Variants in MTMR3 observed in about 807,000 individuals in gnomAD.
MTMR3 encodes phosphatidylinositol-3,5-bisphosphate 3-phosphatase MTMR3.
In MTMR3, 32 loss-of-function variants were observed where a neutral mutation model predicts 132.4. The observed-to-expected ratio is 0.24, with a 90% confidence interval of 0.18 to 0.32. The LOEUF (loss-of-function observed/expected upper bound fraction) is 0.32. Among genes scored for constraint, MTMR3 ranks in the 10% least tolerant of loss-of-function variants. The pLI, the probability that MTMR3 is intolerant of heterozygous loss-of-function variation, is 1.00. For missense variants in MTMR3, 1,216 were observed against 1,489.6 expected (o/e 0.82, Z 3.02); for synonymous variants, 556 against 550.3 (o/e 1.01, Z -0.14).
rs1569054419 is a variant in MTMR3 at position 30,020,121 on chromosome 22, G to A, written c.2462G>A (p.Gly821Asp). 6.2e-7 allele frequency: 1 copy of A among 1,614,214 alleles called. No individual in the cohort carries two copies. The highest frequency in any genetic ancestry group is 8.5e-7 in the Non-Finnish European group (1 of 1,180,048). Reference protein sequence around the residue: ...PIPVDAKVGYGTSQSCSLLPS... With the variant: ...PIPVDAKVGYDTSQSCSLLPS... Reference sequence around the variant, plus strand: ...CCAGTAGATGCAAAAGTTGGCTATGGTACCTCACAGTCATGTTCTCTGCTA... The same window carrying A: ...CCAGTAGATGCAAAAGTTGGCTATGATACCTCACAGTCATGTTCTCTGCTA... Residue 821 changes from glycine (G) to aspartate (D), a missense_variant, in exon 17 of 20, where the codon GGT (glycine) becomes GAT (aspartate). Gly to Asp is a moderately conservative substitution (Grantham distance 94). Around this residue, in one of 7 missense-constraint regions of MTMR3, gnomAD observed 852 missense variants for 852.0 expected, o/e 1.00. Transcript: ENST00000401950.
rs1403890599 is a variant in MTMR3 at position 30,027,762 on chromosome 22, C to T, written c.*1961C>T. ...TCTCCTAAAGAGGAGTCAGTCAGTG[C>T]TCCTATATTTTTCATTTTTTGTCAA... is the stretch of plus-strand genomic sequence containing the variant. On this transcript the variant is annotated 3_prime_UTR_variant, in exon 20 of 20. Transcript: ENST00000401950. 3 of 152,622 alleles carry T rather than the reference C, an allele frequency of 2.0e-5. No homozygotes were observed. The highest frequency in any genetic ancestry group is 4.4e-5 in the Non-Finnish European group (3 of 68,036). The allele number at this position is 152,622 out of a possible 1,614,324, so 9.5% of individuals were successfully genotyped here. A position where few individuals can be genotyped will look rare whatever the true frequency, so the allele number is the denominator to read the frequency against.
chr22:29,927,576 C>A (rs545546422), intron 1 of MTMR3, among the ~76,000 whole-genome samples: 1 of 151,798 alleles, frequency 6.6e-6, no homozygotes, highest in Admixed American at 6.6e-5. Context: ...ATTTTAATTT[C>A]GAGGTGTTTA....
At chr22:30,004,868 G>C (rs2067244533) in intron 9 of MTMR3, 1 of 152,256 alleles carries the variant, frequency 6.6e-6, no homozygotes, top group South Asian at 2.1e-4. Context: ...CTGTAGATTG[G>C]GTCATGATTC....
At chr22:29,892,852 C>T (rs1341096528) in intron 1 of MTMR3, among the ~76,000 whole-genome samples, 2 of 152,204 alleles carry the variant, frequency 1.3e-5, no homozygotes, top group African/African-American at 4.8e-5. Flanking sequence ...CAAAAGGCCA[C>T]ATATCTCTTT....
chr22:29,910,447 A>G (rs1279114272), intron 1 of MTMR3, among the ~76,000 whole-genome samples: 7 of 152,182 alleles, frequency 4.6e-5, no homozygotes, highest in Non-Finnish European at 7.4e-5. Context: ...AGTTATTTCG[A>G]ACATAGATGT....
intron 1 of MTMR3, among the ~76,000 whole-genome samples, chr22:29,956,227 C>G (rs557782150): frequency 6.6e-6 from 1 of 152,204 alleles, no homozygotes; most frequent in South Asian, 2.1e-4. Flanking sequence ...TTGTTGCCTA[C>G]TGGTGACAAG....
chr22:29,947,579 C>G (rs545487971), intron 1 of MTMR3, among the ~76,000 whole-genome samples: 1 of 150,926 alleles, frequency 6.6e-6, no homozygotes, highest in East Asian at 1.9e-4. Flanking sequence ...TTTTTAAATT[C>G]AAGGTTTGGT....
At chr22:29,966,730 T>TGCGTGC (rs1569028083) in intron 2 of MTMR3, among the ~76,000 whole-genome samples, 3 of 56,438 alleles carry the variant, frequency 5.3e-5, no homozygotes, top group African/African-American at 3.6e-4. Context: ...GGTGTGCGTG[T>TGCGTGC]GTGTGTGTGT....
intron 1 of MTMR3, among the ~76,000 whole-genome samples, chr22:29,938,113 C>T (rs1343108830): frequency 6.6e-6 from 1 of 152,182 alleles, no homozygotes; most frequent in African/African-American, 2.4e-5. Flanking sequence ...TCATTATATG[C>T]TCATTAACAT....
At chr22:29,894,917 A>C (rs1436412038) in intron 1 of MTMR3, among the ~76,000 whole-genome samples, 1 of 152,214 alleles carries the variant, frequency 6.6e-6, no homozygotes, top group Non-Finnish European at 1.5e-5. Flanking sequence ...TTATTCTTTT[A>C]AAGAGTAAGA....
At chr22:29,888,698 G>A (rs1165166710) in intron 1 of MTMR3, among the ~76,000 whole-genome samples, 1 of 151,374 alleles carries the variant, frequency 6.6e-6, no homozygotes, top group Non-Finnish European at 1.5e-5. Flanking sequence ...ATTCTGTTAT[G>A]ACAGATGATA....
chr22:29,892,517 G>A (rs2145707342), intron 1 of MTMR3, among the ~76,000 whole-genome samples: 1 of 152,234 alleles, frequency 6.6e-6, no homozygotes, highest in East Asian at 1.9e-4. Context: ...ATTAGCCTGA[G>A]CCTATAACAA....
At chr22:29,961,857 CTCTGTTTATGTAT>C (rs2066318244) in intron 2 of MTMR3, among the ~76,000 whole-genome samples, 2 of 152,146 alleles carry the variant, frequency 1.3e-5, no homozygotes, top group African/African-American at 4.8e-5. Flanking sequence ...ACTGTATCTT[CTCTGTTTATGTAT>C]GTTTAGATAT....
At chr22:29,931,026 A>C (rs550265573) in intron 1 of MTMR3, among the ~76,000 whole-genome samples, 6 of 151,944 alleles carry the variant, frequency 3.9e-5, no homozygotes, top group South Asian at 4.2e-4. Context: ...AAAAAAAAAA[A>C]AAAAAACTTA....
At chr22:30,016,463 C>T (rs148480595) in intron 14 of MTMR3, 65 bp from the exon 15 acceptor site, 160 of 1,554,556 alleles carry the variant, frequency 1.0e-4, no homozygotes, top group Non-Finnish European at 1.4e-4. Flanking sequence ...GGTGGCTCAG[C>T]TGAGCTGACT....
At chr22:29,952,227 C>T (rs997346106) in intron 1 of MTMR3, among the ~76,000 whole-genome samples, 5 of 152,008 alleles carry the variant, frequency 3.3e-5, no homozygotes, top group Admixed American at 2.6e-4. Context: ...TTTTCCCCCT[C>T]GGGAGAGGAT....
chr22:30,022,050 A>G lies in MTMR3; in HGVS notation c.3247A>G (p.Ser1083Gly), dbSNP rs776598078. Residue 1083 changes from serine (S) to glycine (G), a missense_variant, in exon 18 of 20, where the codon AGC becomes GGC. Coordinates refer to ENST00000401950, the MANE Select transcript of MTMR3 (RefSeq NM_021090.4). ...DEVTSIPDSE[S>G]NLDQNCLSRC... ...ACAGACTTCAATCCCCGACTCGGAA[A>G]GCAATCTGGATCAGAACTGTTTGTC... 6 of 1,614,084 alleles carry G rather than the reference A, an allele frequency of 3.7e-6. No homozygotes were observed. Among genetic ancestry groups the G allele is most frequent in the East Asian group, 2.2e-5 (1 of 44,888 alleles).
intron 1 of MTMR3, among the ~76,000 whole-genome samples, chr22:29,910,130 C>T (rs1332435577): frequency 6.8e-6 from 1 of 146,210 alleles, no homozygotes; most frequent in Non-Finnish European, 1.5e-5. Flanking sequence ...TGCCACTGCA[C>T]TCCAGCCTGG....
chr22:29,929,588 C>T (rs1224660212), intron 1 of MTMR3, among the ~76,000 whole-genome samples: 2 of 151,872 alleles, frequency 1.3e-5, no homozygotes, highest in Non-Finnish European at 2.9e-5. Flanking sequence ...CGGCTCACTG[C>T]AACCTCCGCC....
Sources: allele counts gnomAD v4.1 joint callset (sites outside exome capture counted in the v4.1 genomes callset), GRCh38; gene constraint gnomAD v4.1.1; regional missense constraint gnomAD v4.1.1; transcripts MANE v1.5; gene names NCBI Gene and HGNC (gene_info 2026-07-23, HGNC 2026-07-21).